CAMK1D: variants seen among roughly 807,000 people sequenced by gnomAD.
CAMK1D encodes the protein calcium/calmodulin dependent protein kinase ID.
CAMK1D carries 9 observed loss-of-function variants against 47.7 expected under a neutral mutation model. The ratio of observed to expected loss-of-function variants is 0.19; its 90% CI spans 0.11 to 0.33. The LOEUF (loss-of-function observed/expected upper bound fraction) is 0.33, where lower values mean the gene tolerates loss of function less well. Among genes scored for constraint, CAMK1D ranks in the 10% least tolerant of loss-of-function variants. The probability of loss-of-function intolerance (pLI) is 1.00; values close to 1 mark genes in which losing one functional copy is unlikely to be tolerated. For missense variants in CAMK1D, 291 were observed against 488.7 expected (o/e 0.60, Z 3.81); for synonymous variants, 184 against 184.9 (o/e 0.99, Z 0.04).
chr10:12,788,859 A>T (rs1232184800), intron 5 of CAMK1D, among the ~76,000 whole-genome samples: 1 of 152,210 alleles, frequency 6.6e-6, no homozygotes, highest in African/African-American at 2.4e-5. Flanking sequence ...TGCCGCTTTG[A>T]GGGTGAACAT....
At chr10:12,556,943 A>G (rs750783288) in intron 2 of CAMK1D, among the ~76,000 whole-genome samples, 19 of 152,228 alleles carry the variant, frequency 1.2e-4, no homozygotes, top group Non-Finnish European at 2.6e-4. Context: ...GATGGAAGAA[A>G]CAGTTATGAG....
At chr10:12,522,363 T>A (rs1835449137) in intron 1 of CAMK1D, among the ~76,000 whole-genome samples, 1 of 110,854 alleles carries the variant, frequency 9.0e-6, no homozygotes, top group African/African-American at 3.3e-5. Context: ...AGTGTTTGTG[T>A]CCCTGGGTAC....
chr10:12,484,473 G>A (rs1395865399), intron 1 of CAMK1D, among the ~76,000 whole-genome samples: 5 of 152,206 alleles, frequency 3.3e-5, no homozygotes, highest in African/African-American at 1.2e-4. Flanking sequence ...GGCAGAGATC[G>A]GAGATGGAGA....
intron 3 of CAMK1D, among the ~76,000 whole-genome samples, chr10:12,678,475 G>A (rs557542418): frequency 6.6e-6 from 1 of 152,314 alleles, no homozygotes; most frequent in Admixed American, 6.5e-5. Context: ...GTTGGATGAA[G>A]TGCTCTGCAT....
intron 2 of CAMK1D, among the ~76,000 whole-genome samples, chr10:12,633,684 G>C (rs1437743717): frequency 6.6e-6 from 1 of 151,922 alleles, no homozygotes; most frequent in East Asian, 1.9e-4. Context: ...TGCCTCCCCA[G>C]TAGCTGGGAC....
intron 3 of CAMK1D, among the ~76,000 whole-genome samples, chr10:12,700,128 A>C (rs888585138): frequency 6.6e-6 from 1 of 152,216 alleles, no homozygotes; most frequent in African/African-American, 2.4e-5. Context: ...TATAACCCAC[A>C]GCTGAACAAA....
At chr10:12,499,760 G>C (rs1185467809) in intron 1 of CAMK1D, among the ~76,000 whole-genome samples, 1 of 152,204 alleles carries the variant, frequency 6.6e-6, no homozygotes, top group Non-Finnish European at 1.5e-5. Context: ...ACAAGAGATT[G>C]GTGGGAGTTA....
intron 6 of CAMK1D, among the ~76,000 whole-genome samples, chr10:12,802,324 C>T (rs1838516677): frequency 6.6e-6 from 1 of 152,152 alleles, no homozygotes; most frequent in Non-Finnish European, 1.5e-5. Flanking sequence ...TGCATGGGAG[C>T]ATAGCGCTGA....
intron 1 of CAMK1D, among the ~76,000 whole-genome samples, chr10:12,547,301 T>C (rs1261908934): frequency 1.3e-5 from 2 of 152,100 alleles, no homozygotes; most frequent in Non-Finnish European, 2.9e-5. Flanking sequence ...CCCACAAGGG[T>C]CCAGTCTAGT....
chr10:12,459,604 A>G (rs547445146), intron 1 of CAMK1D, among the ~76,000 whole-genome samples: 4 of 152,338 alleles, frequency 2.6e-5, no homozygotes, highest in East Asian at 1.9e-4. Context: ...CGATAGCTCC[A>G]TGGTAGATAA....
intron 2 of CAMK1D, among the ~76,000 whole-genome samples, chr10:12,618,429 C>G (rs992870638): frequency 1.3e-5 from 2 of 152,144 alleles, no homozygotes; most frequent in East Asian, 1.9e-4. Flanking sequence ...TGCTTTTACC[C>G]CATTTTATCT....
Position 12,730,226 on chromosome 10 carries a change from T to G in CAMK1D, c.300-30722T>G, listed in dbSNP as rs144825110. On this transcript the variant is annotated intron_variant, in intron 3 of 10. Coordinates refer to ENST00000619168, the MANE Select transcript of CAMK1D (RefSeq NM_153498.4). ...GGGAGATGGGGTAGGATTCTGGATGTATCTTCAGGACCATTAGCATTCCCT... is the reference window on the plus strand; with the variant it reads ...GGGAGATGGGGTAGGATTCTGGATGGATCTTCAGGACCATTAGCATTCCCT... 1.5e-3 allele frequency among the ~76,000 whole-genome samples: 225 copies of G among 152,186 alleles called. 1 individual carries two copies. Among genetic ancestry groups the G allele is most frequent in the African/African-American group, 5.1e-3 (210 of 41,524 alleles).
chr10:12,379,473 C>T lies in CAMK1D; in HGVS notation c.92+29563C>T, dbSNP rs150605836. Among the ~76,000 whole-genome samples, 7 of 152,142 alleles carry T rather than the reference C, an allele frequency of 4.6e-5. No homozygotes were observed. The East Asian group carries it at 1.2e-3, about 25-fold the overall frequency. ...TTAGCTAAAATCCCTTAATTTGGGG[C>T]CAGTCTTGGTGGCTAACGCCTGTAA... On this transcript the variant is annotated intron_variant, in intron 1 of 10. Coordinates refer to ENST00000619168, the MANE Select transcript of CAMK1D (RefSeq NM_153498.4).
intron 3 of CAMK1D, among the ~76,000 whole-genome samples, chr10:12,719,521 C>T (rs1834289847): frequency 6.6e-6 from 1 of 152,218 alleles, no homozygotes; most frequent in African/African-American, 2.4e-5. Context: ...AAACACTTTC[C>T]TGGCGCCTGT....
chr10:12,435,240 AAAAAAAG>A (rs1460143329), intron 1 of CAMK1D, among the ~76,000 whole-genome samples: 5 of 151,386 alleles, frequency 3.3e-5, no homozygotes, highest in African/African-American at 1.2e-4. Context: ...AAAAAAAAAA[AAAAAAAG>A]AAAAGGTGAT....
intron 2 of CAMK1D, among the ~76,000 whole-genome samples, chr10:12,633,097 G>A (rs775789638): frequency 9.2e-5 from 14 of 152,316 alleles, no homozygotes; most frequent in Non-Finnish European, 1.5e-4. Context: ...TGAGTCAGTC[G>A]TTCCTGCTCT....
At chr10:12,634,726 A>G (rs1839465980) in intron 2 of CAMK1D, among the ~76,000 whole-genome samples, 1 of 152,020 alleles carries the variant, frequency 6.6e-6, no homozygotes, top group African/African-American at 2.4e-5. Flanking sequence ...ACAACCTTGT[A>G]GCTAGAGTCC....
chr10:12,769,871 C>A, intron 5 of CAMK1D, 72 bp downstream of exon 5: 2 of 1,544,144 alleles, frequency 1.3e-6, no homozygotes, highest in Non-Finnish European at 1.8e-6. Flanking sequence ...CACCACGTGT[C>A]AACTCATCAG....
chr10:12,669,232 G>GAAAC (rs1554807248), intron 3 of CAMK1D, among the ~76,000 whole-genome samples: 27 of 141,108 alleles, frequency 1.9e-4, no homozygotes, highest in Admixed American at 1.2e-3. Context: ...ACTCTGTCTC[G>GAAAC]AAACAAACAA....
Sources: gnomAD v4.1 joint callset for allele counts (sites outside exome capture counted in the v4.1 genomes callset) on GRCh38, gnomAD v4.1.1 for gene constraint, MANE v1.5 for transcripts, NCBI Gene and HGNC (gene_info 2026-07-23, HGNC 2026-07-21) for gene names.